Variants in FHAD1 observed in about 807,000 individuals in gnomAD.
The protein encoded by FHAD1 is forkhead associated phosphopeptide binding domain 1.
Under a neutral mutation model 191.3 loss-of-function variants are expected in FHAD1, and 146 were observed. The ratio of observed to expected loss-of-function variants is 0.76; its 90% CI spans 0.67 to 0.88. The LOEUF (loss-of-function observed/expected upper bound fraction) is 0.88, where lower values mean the gene tolerates loss of function less well. FHAD1 is among the 40% of genes least tolerant of loss of function. FHAD1 has a pLI of 0.00. For synonymous variants in FHAD1, 616 were observed against 672.3 expected (o/e 0.92, Z 1.29); for missense variants, 1,635 against 1,785.8 (o/e 0.92, Z 1.52).
At chr1:15,309,460 C>T (rs1255302027) in intron 7 of FHAD1, among the ~76,000 whole-genome samples, 1 of 152,116 alleles carries the variant, frequency 6.6e-6, no homozygotes, top group Admixed American at 6.6e-5. Context: ...GATAAATGAA[C>T]AAGCCCATAC....
chr1:15,301,928 G>A (rs1163264330), intron 6 of FHAD1, among the ~76,000 whole-genome samples: 3 of 152,172 alleles, frequency 2.0e-5, no homozygotes, highest in Non-Finnish European at 2.9e-5. Flanking sequence ...TTGGGAGGCC[G>A]AGGCTGAACC....
At position 15,329,435 on chromosome 1, in the gene FHAD1, G is replaced by A. The variant is rs1680316026; in HGVS notation, c.1800G>A (p.Gly600=). The change falls in exon 14 of 34, where the codon GGG becomes GGA. Residue 600 remains glycine, a synonymous_variant. Coordinates refer to ENST00000688493, the MANE Select transcript of FHAD1 (RefSeq NM_001391957.1). The surrounding 1 kb of genome is among the most constrained non-coding windows in gnomAD (Gnocchi z 5.0). ...QHLQVSPPVS[G]LQKVVLDVLR... Reference sequence around the variant, plus strand: ...TCCAGGTGAGCCCACCTGTCTCGGGGCTCCAGAAGGTGGTGCTGGACGTCC... The same window carrying A: ...TCCAGGTGAGCCCACCTGTCTCGGGACTCCAGAAGGTGGTGCTGGACGTCC... 1.3e-6 allele frequency: 2 copies of A among 1,551,296 alleles called. No homozygotes were observed. Among genetic ancestry groups the A allele is most frequent in the African/African-American group, 1.4e-5 (1 of 73,142 alleles).
chr1:15,316,262 T>C lies in FHAD1; in HGVS notation c.1171-116T>C. 1 of 787,628 alleles carries C rather than the reference T, an allele frequency of 1.3e-6. No homozygotes were observed. Among genetic ancestry groups the C allele is most frequent in the Non-Finnish European group, 2.1e-6 (1 of 479,880 alleles). The allele number at this position is 787,628 out of a possible 1,614,324, so 48.8% of individuals were successfully genotyped here. A position where few individuals can be genotyped will look rare whatever the true frequency, so the allele number is the denominator to read the frequency against. ...TTTGGGATCTCAGTGCGTGACTGGATGGAAACAGCAGGAAATGCTCTCAGG... is the reference window on the plus strand; with the variant it reads ...TTTGGGATCTCAGTGCGTGACTGGACGGAAACAGCAGGAAATGCTCTCAGG... On this transcript the variant is annotated intron_variant, in intron 8 of 33. Transcript: ENST00000688493. This position sits in a 1 kb window ranked among gnomAD's most constrained non-coding sequence, Gnocchi z 4.3.
intron 22 of FHAD1, among the ~76,000 whole-genome samples, chr1:15,361,758 G>A (rs1406239677): frequency 2.0e-5 from 3 of 151,922 alleles, no homozygotes; most frequent in Admixed American, 2.0e-4. Context: ...TGTAATCCCA[G>A]CACTTCCGGA....
intron 2 of FHAD1, among the ~76,000 whole-genome samples, chr1:15,265,797 C>A (rs1166161301): frequency 2.0e-5 from 3 of 151,690 alleles, no homozygotes; most frequent in Admixed American, 2.0e-4. Context: ...CATGGTGAAA[C>A]CCTGTCTCTA....
intron 7 of FHAD1, 122 bp downstream of exon 7, chr1:15,308,858 C>G: frequency 7.0e-7 from 1 of 1,426,576 alleles, no homozygotes; most frequent in Non-Finnish European, 9.5e-7. Flanking sequence ...CCTCAGAGTT[C>G]TTCCCAGCAG....
chr1:15,236,955 T>A (rs1464319708), intron 1 of FHAD1, among the ~76,000 whole-genome samples: 1 of 152,042 alleles, frequency 6.6e-6, no homozygotes, highest in Non-Finnish European at 1.5e-5. Context: ...AGTGAGTGAG[T>A]TCTTGGAGAC....
Position 15,324,513 on chromosome 1 carries a change from A to G in FHAD1, c.1427A>G (p.Asn476Ser). ...RKLLQLQEMG[N>S]RESVIKINLE... ...TTGCTTCAGCTGCAAGAAATGGGGAACAGAGAGAGCGTCATTAAAATCAAT... is the reference window on the plus strand; with the variant it reads ...TTGCTTCAGCTGCAAGAAATGGGGAGCAGAGAGAGCGTCATTAAAATCAAT... The change falls in exon 11 of 34, where the codon AAC becomes AGC. Residue 476 changes from asparagine (N) to serine (S), a missense_variant. Transcript: ENST00000688493. 1 of 1,552,148 alleles carries G rather than the reference A, an allele frequency of 6.4e-7. No individual in the cohort carries two copies. The highest frequency in any genetic ancestry group is 8.7e-7 in the Non-Finnish European group (1 of 1,147,082).
At chr1:15,363,571 C>T (rs2102707769) in intron 23 of FHAD1, among the ~76,000 whole-genome samples, 1 of 152,306 alleles carries the variant, frequency 6.6e-6, no homozygotes, top group South Asian at 2.1e-4. Flanking sequence ...AGCTAGTTTT[C>T]CCGAGGATCA....
intron 9 of FHAD1, among the ~76,000 whole-genome samples, chr1:15,317,377 C>T (rs1674818093): frequency 6.6e-6 from 1 of 152,186 alleles, no homozygotes; most frequent in African/African-American, 2.4e-5. Flanking sequence ...CCCACGCCAG[C>T]ACCGTTCCTC....
At chr1:15,373,600 C>G (rs910014362) in intron 26 of FHAD1, among the ~76,000 whole-genome samples, 8 of 152,014 alleles carry the variant, frequency 5.3e-5, no homozygotes, top group African/African-American at 1.9e-4. Context: ...TGCCTGTAAT[C>G]CCAGCACCTT....
At chr1:15,275,782 T>C (rs1159157528) in intron 3 of FHAD1, among the ~76,000 whole-genome samples, 2 of 152,184 alleles carry the variant, frequency 1.3e-5, no homozygotes, top group African/African-American at 4.8e-5. Flanking sequence ...CAGCATGCTC[T>C]TGTCTCTTAT....
intron 6 of FHAD1, among the ~76,000 whole-genome samples, chr1:15,304,187 G>T (rs140088048): frequency 3.3e-5 from 5 of 152,192 alleles, no homozygotes; most frequent in Non-Finnish European, 7.3e-5. Context: ...AAGACAATGC[G>T]TACCGCCATG....
Sources: gnomAD v4.1 joint callset for allele counts (sites outside exome capture counted in the v4.1 genomes callset) on GRCh38, gnomAD v4.1.1 for gene constraint, Gnocchi (gnomAD v3.1) non-coding constraint, MANE v1.5 for transcripts, NCBI Gene and HGNC (gene_info 2026-07-23, HGNC 2026-07-21) for gene names.